Variants in GSE1 observed in about 807,000 individuals in gnomAD.
GSE1 encodes genetic suppressor element 1.
In GSE1, 32 loss-of-function variants were observed where a neutral mutation model predicts 112.6. The observed-to-expected ratio is 0.28, with a 90% CI of 0.21 to 0.38. The LOEUF (loss-of-function observed/expected upper bound fraction) is 0.38, where lower values mean the gene tolerates loss of function less well. Among genes scored for constraint, GSE1 ranks in the 10% least tolerant of loss-of-function variants. The pLI is 1.00. For missense variants in GSE1, 2,348 were observed against 1,699.2 expected, an observed-to-expected ratio of 1.38 and a Z score of -6.71; for synonymous variants, 1,115 against 735.6, an observed-to-expected ratio of 1.52 and a Z score of -8.35.
intron 1 of GSE1, among the ~76,000 whole-genome samples, chr16:85,221,307 A>AGC (rs200286244): frequency 0.029 from 3,926 of 137,412 alleles, 69 homozygotes; most frequent in African/African-American, 0.042. Flanking sequence ...ACACTTCCCT[A>AGC]GCGCGCACAC....
intron 2 of GSE1, among the ~76,000 whole-genome samples, chr16:85,423,478 G>C (rs1359315770): frequency 2.0e-5 from 3 of 152,220 alleles, no homozygotes; most frequent in Non-Finnish European, 2.9e-5. Context: ...GGCAGGGTTT[G>C]GCTTGCTTAA....
chr16:85,312,202 T>TGTGG (rs2045869479), intron 1 of GSE1, among the ~76,000 whole-genome samples: 1 of 62,548 alleles, frequency 1.6e-5, no homozygotes, highest in Non-Finnish European at 2.8e-5. Flanking sequence ...CTGATCCTCT[T>TGTGG]GCGGGGGGGG....
upstream of GSE1, among the ~76,000 whole-genome samples, chr16:85,552,216 G>A (rs1484322364): frequency 4.6e-5 from 7 of 151,502 alleles, no homozygotes; most frequent in Admixed American, 2.0e-4. Flanking sequence ...TAGTAGAGAC[G>A]GGGTTTCACC....
intron 2 of GSE1, among the ~76,000 whole-genome samples, chr16:85,418,934 C>G (rs1457310825): frequency 6.6e-6 from 1 of 152,126 alleles, no homozygotes; most frequent in Non-Finnish European, 1.5e-5. Context: ...ACTTGAGCGG[C>G]TGGAAGGTTA....
rs1208719100 is a variant in GSE1 at position 85,675,506 on chromosome 16, G to C, written c.*2967G>C. The C allele has an allele frequency of 6.6e-6, 1 of 152,110 alleles. No homozygotes were observed. Among genetic ancestry groups the C allele is most frequent in the Non-Finnish European group, 1.5e-5 (1 of 68,024 alleles). The allele number at this position is 152,110 out of a possible 1,614,324, so 9.4% of individuals were successfully genotyped here. A position where few individuals can be genotyped will look rare whatever the true frequency, so the allele number is the denominator to read the frequency against. Reference sequence around the variant, plus strand: ...CTTAAAGGAATAAAGCACTGAATTGGGACTAACATTCTGATAGGTTGCACC... The same window carrying C: ...CTTAAAGGAATAAAGCACTGAATTGCGACTAACATTCTGATAGGTTGCACC... On this transcript the variant is annotated 3_prime_UTR_variant, in exon 16 of 16. Coordinates refer to ENST00000253458, the MANE Select transcript of GSE1 (RefSeq NM_014615.5).
At chr16:85,227,596 G>A (rs192570521) in intron 1 of GSE1, among the ~76,000 whole-genome samples, 60 of 152,330 alleles carry the variant, frequency 3.9e-4, no homozygotes, top group Non-Finnish European at 7.6e-4. Flanking sequence ...GGAGAGCAGC[G>A]GGGAGGTTCT....
rs199663219 is a variant in GSE1 at position 85,473,779 on chromosome 16, A to AG, written c.2464+116143dup. Among the ~76,000 whole-genome samples the AG allele has an allele frequency of 3.5e-3, 532 of 151,706 alleles. 5 individuals are homozygous for AG. The highest frequency in any genetic ancestry group is 0.011 in the African/African-American group (453 of 41,160). ...CATGGTCCTGTCTTTTGCGGGGCGG[A>AG]GGGGGGGTCACCATTCAGCACTACA... On this transcript the variant is annotated intron_variant, in intron 2 of 2. Coordinates refer to the GSE1 transcript ENST00000637419.
At chr16:85,344,897 C>A (rs1253743281) in intron 1 of GSE1, among the ~76,000 whole-genome samples, 1 of 152,256 alleles carries the variant, frequency 6.6e-6, no homozygotes, top group African/African-American at 2.4e-5. Flanking sequence ...CGCCTTCAGG[C>A]AGATGCAGGT....
At chr16:85,178,562 T>G (rs2074515907) in intron 1 of GSE1, among the ~76,000 whole-genome samples, 1 of 151,932 alleles carries the variant, frequency 6.6e-6, no homozygotes, top group Non-Finnish European at 1.5e-5. Context: ...CAGATTCAAG[T>G]GCAAGGGTGA....
At chr16:85,624,514 C>T (rs985764679) in intron 1 of GSE1, among the ~76,000 whole-genome samples, 2 of 152,216 alleles carry the variant, frequency 1.3e-5, no homozygotes, top group African/African-American at 2.4e-5. Flanking sequence ...CCCAAACAGC[C>T]GCCACAGGGT....
intron 1 of GSE1, among the ~76,000 whole-genome samples, chr16:85,335,275 G>A (rs2046458912): frequency 6.6e-6 from 1 of 152,248 alleles, no homozygotes; most frequent in Admixed American, 6.5e-5. Flanking sequence ...CGCTGACACA[G>A]CCCTTTGCCC....
chr16:85,629,276 C>T (rs1418786497), intron 1 of GSE1, among the ~76,000 whole-genome samples: 1 of 152,222 alleles, frequency 6.6e-6, no homozygotes, highest in Non-Finnish European at 1.5e-5. Context: ...GTTCAGCCAC[C>T]CAGCCCGTGC....
rs566203244 is a variant in GSE1, at chr16:85,564,867, TCAGA to T, written c.37+8508_37+8511del. Among the ~76,000 whole-genome samples, 14 of 152,232 alleles carry T rather than the reference TCAGA, an allele frequency of 9.2e-5. No individual in the cohort carries two copies. The East Asian group carries it at 2.7e-3, about 29-fold the overall frequency. ...GATGCATTAGGCCCAGTCCTTGTCCTCAGACAGCCAGGCGTGCGGGAGTGTGGCG... is the reference window on the plus strand; with the variant it reads ...GATGCATTAGGCCCAGTCCTTGTCCTCAGCCAGGCGTGCGGGAGTGTGGCG... On this transcript the variant is annotated intron_variant, in intron 1 of 2. Coordinates refer to the GSE1 transcript ENST00000635906.
At chr16:85,312,741 C>T (rs149102834) in intron 1 of GSE1, among the ~76,000 whole-genome samples, 7 of 148,252 alleles carry the variant, frequency 4.7e-5, no homozygotes, top group African/African-American at 7.5e-5. Context: ...AGGAGGCGGA[C>T]GAGGAGGAGA....
chr16:85,444,816 GC>G (rs1292920276), intron 2 of GSE1, among the ~76,000 whole-genome samples: 1 of 151,930 alleles, frequency 6.6e-6, no homozygotes, highest in Non-Finnish European at 1.5e-5. Flanking sequence ...CCTCTCCTCC[GC>G]CCCCTCCAGC....
At chr16:85,225,800 C>T (rs1294091034) in intron 1 of GSE1, among the ~76,000 whole-genome samples, 3 of 152,194 alleles carry the variant, frequency 2.0e-5, no homozygotes, top group Non-Finnish European at 4.4e-5. Flanking sequence ...TAGCCTAAAA[C>T]AATAAATCTT....
At chr16:85,253,441 G>A (rs544513098) in intron 1 of GSE1, among the ~76,000 whole-genome samples, 3 of 152,336 alleles carry the variant, frequency 2.0e-5, no homozygotes, top group East Asian at 1.9e-4. Context: ...GGGGAACAGA[G>A]CTGCTGCTGC....
intron 1 of GSE1, among the ~76,000 whole-genome samples, chr16:85,623,984 T>C (rs1280288208): frequency 6.6e-6 from 1 of 152,150 alleles, no homozygotes; most frequent in Non-Finnish European, 1.5e-5. Context: ...ATAGGAGACG[T>C]CCTTGGATCC....
chr16:85,269,497 G>A (rs78011308), intron 1 of GSE1, among the ~76,000 whole-genome samples: 9,321 of 149,044 alleles, frequency 0.063, 1,067 homozygotes, highest in Middle Eastern at 0.073. Flanking sequence ...TTCTACGGAG[G>A]TAACAAAACA....
Sources: gnomAD v4.1 joint callset for allele counts (sites outside exome capture counted in the v4.1 genomes callset) on GRCh38, gnomAD v4.1.1 for gene constraint, MANE v1.5 for transcripts, NCBI Gene and HGNC (gene_info 2026-07-23, HGNC 2026-07-21) for gene names.